The following CA10 variants were observed in gnomAD, a reference collection of about 807,000 sequenced individuals.
CA10 encodes carbonic anhydrase 10 (inactive), also known as carbonic anhydrase-related protein 10.
Under a neutral mutation model 44.2 loss-of-function variants are expected in CA10, and 14 were observed. The ratio of observed to expected loss-of-function variants is 0.32; its 90% CI spans 0.21 to 0.50. CA10 has a LOEUF of 0.50. Among genes scored for constraint, CA10 ranks in the 20% least tolerant of loss-of-function variants. CA10 has a pLI of 0.99. For missense variants in CA10, 350 were observed against 409.7 expected (o/e 0.85, Z 1.26); for synonymous variants, 159 against 141.6 (o/e 1.12, Z -0.87).
chr17:51,706,799 G>A (rs776558266), intron 4 of CA10, among the ~76,000 whole-genome samples: 4 of 151,992 alleles, frequency 2.6e-5, no homozygotes, highest in Non-Finnish European at 5.9e-5. Flanking sequence ...CACACACCAG[G>A]CACACTCCTG....
intron 2 of CA10, among the ~76,000 whole-genome samples, chr17:52,028,803 G>T (rs1986377324): frequency 6.6e-6 from 1 of 152,168 alleles, no homozygotes; most frequent in African/African-American, 2.4e-5. Flanking sequence ...CAAAATTGTT[G>T]ACTCTTAGAG....
chr17:52,052,586 A>G (rs1295613541), intron 2 of CA10, among the ~76,000 whole-genome samples: 3 of 152,096 alleles, frequency 2.0e-5, no homozygotes, highest in Admixed American at 2.0e-4. Context: ...AAGACCAGGA[A>G]TTTTGAGGAG....
intron 1 of CA10, among the ~76,000 whole-genome samples, chr17:52,151,209 A>G (rs1214856096): frequency 6.6e-6 from 1 of 152,118 alleles, no homozygotes; most frequent in African/African-American, 2.4e-5. Flanking sequence ...TCCCCTTCAC[A>G]CTGGCCTAAG....
rs796505065 is a variant in CA10, at chr17:52,025,445, C to G, written c.136+46874G>C. Among the ~76,000 whole-genome samples, 12 of 151,952 alleles carry G rather than the reference C, an allele frequency of 7.9e-5. 2 individuals are homozygous for G. The highest frequency in any genetic ancestry group is 2.9e-4 in the African/African-American group (12 of 41,290). ...AATAAGCAAGGACTCCAAGGAGAAA[C>G]AGCACATACTTCAGAAGAGACACAT... On this transcript the variant is annotated intron_variant, in intron 2 of 8. Coordinates refer to ENST00000451037, the MANE Select transcript of CA10 (RefSeq NM_020178.5).
At chr17:51,631,887 T>C (rs781562613) in intron 8 of CA10, among the ~76,000 whole-genome samples, 1 of 152,160 alleles carries the variant, frequency 6.6e-6, no homozygotes, top group African/African-American at 2.4e-5. Context: ...TAGTCACCCA[T>C]CCAATGTTCA....
At chr17:51,645,413 G>T (rs768499365) in intron 6 of CA10, among the ~76,000 whole-genome samples, 1 of 152,156 alleles carries the variant, frequency 6.6e-6, no homozygotes, top group African/African-American at 2.4e-5. Context: ...GTCAGTAATG[G>T]CAATGTCACT....
chr17:52,097,633 G>T (rs545664767), intron 1 of CA10, among the ~76,000 whole-genome samples: 35 of 152,188 alleles, frequency 2.3e-4, no homozygotes, highest in African/African-American at 8.2e-4. Flanking sequence ...TTTGTTCATT[G>T]ACTTATTCAT....
At chr17:51,677,166 T>C (rs1361500272) in intron 4 of CA10, among the ~76,000 whole-genome samples, 1 of 152,190 alleles carries the variant, frequency 6.6e-6, no homozygotes, top group Non-Finnish European at 1.5e-5. Flanking sequence ...ATTTGTTCAA[T>C]AAATGGTGGT....
At chr17:51,769,931 G>A (rs887424394) in intron 3 of CA10, among the ~76,000 whole-genome samples, 1 of 152,056 alleles carries the variant, frequency 6.6e-6, no homozygotes, top group Non-Finnish European at 1.5e-5. Context: ...CAAGAAATGG[G>A]TGCATCCTCT....
At chr17:52,142,689 T>A (rs980081042) in intron 1 of CA10, among the ~76,000 whole-genome samples, 2 of 152,158 alleles carry the variant, frequency 1.3e-5, no homozygotes, top group African/African-American at 4.8e-5. Context: ...CTACAACCCC[T>A]GCAGGCAGCC....
Position 52,005,151 on chromosome 17 carries a change from T to C in CA10, c.136+67168A>G, listed in dbSNP as rs576793338. On this transcript the variant is annotated intron_variant, in intron 2 of 8. Coordinates refer to ENST00000451037, the MANE Select transcript of CA10 (RefSeq NM_020178.5). Reference sequence around the variant, plus strand: ...AGCACATCATTTCTCCCATAAAATGTAGGAAAATACAAAATAATAATTCAG... The same window carrying C: ...AGCACATCATTTCTCCCATAAAATGCAGGAAAATACAAAATAATAATTCAG... Among the ~76,000 whole-genome samples, 5 of 152,018 alleles carry C rather than the reference T, an allele frequency of 3.3e-5. No homozygotes were observed. The East Asian group carries it at 9.8e-4, about 30-fold the overall frequency.
At chr17:52,044,269 G>A (rs997065141) in intron 2 of CA10, among the ~76,000 whole-genome samples, 1 of 151,842 alleles carries the variant, frequency 6.6e-6, no homozygotes, top group African/African-American at 2.4e-5. Flanking sequence ...GTTTCTTCAT[G>A]GTTAGTCTTG....
intron 3 of CA10, among the ~76,000 whole-genome samples, chr17:51,873,364 T>C (rs1222283817): frequency 6.6e-6 from 1 of 152,168 alleles, no homozygotes; most frequent in East Asian, 1.9e-4. Flanking sequence ...GTATTTTTCC[T>C]ATAAAGAATT....
chr17:51,875,181 C>G (rs1224451661), intron 3 of CA10, among the ~76,000 whole-genome samples: 1 of 151,966 alleles, frequency 6.6e-6, no homozygotes, highest in African/African-American at 2.4e-5. Context: ...CCTATATTTC[C>G]CAGGAACCAG....
At chr17:52,080,497 TA>T (rs1220205803) in intron 1 of CA10, among the ~76,000 whole-genome samples, 1 of 146,796 alleles carries the variant, frequency 6.8e-6, no homozygotes, top group Non-Finnish European at 1.5e-5. Flanking sequence ...AATAAATAAA[TA>T]AATATTAAAA....
At chr17:52,095,930 AGG>A (rs1988390252) in intron 1 of CA10, among the ~76,000 whole-genome samples, 1 of 152,150 alleles carries the variant, frequency 6.6e-6, no homozygotes, top group South Asian at 2.1e-4. Flanking sequence ...GTGGTATAAA[AGG>A]AGAGTAATAT....
At chr17:51,742,339 G>A (rs1904499369) in intron 4 of CA10, among the ~76,000 whole-genome samples, 1 of 152,114 alleles carries the variant, frequency 6.6e-6, no homozygotes. Context: ...TCTCTACCAG[G>A]AGGTCGTGGC....
intron 2 of CA10, among the ~76,000 whole-genome samples, chr17:52,054,287 G>T (rs1419440583): frequency 6.6e-6 from 1 of 152,066 alleles, no homozygotes; most frequent in Non-Finnish European, 1.5e-5. Context: ...CGTACATAAG[G>T]GATGAAATAA....
At chr17:51,700,942 G>A (rs1915579185) in intron 4 of CA10, among the ~76,000 whole-genome samples, 1 of 152,028 alleles carries the variant, frequency 6.6e-6, no homozygotes, top group African/African-American at 2.4e-5. Context: ...GAGCAGGGAG[G>A]GAGAGCATCA....
Sources: gnomAD v4.1 joint callset for allele counts (sites outside exome capture counted in the v4.1 genomes callset) on GRCh38, gnomAD v4.1.1 for gene constraint, MANE v1.5 for transcripts, NCBI Gene and HGNC (gene_info 2026-07-23, HGNC 2026-07-21) for gene names.